The following SESN2 variants were observed in gnomAD, a reference collection of about 807,000 sequenced individuals.
SESN2 encodes the protein sestrin-2.
SESN2 carries 42 observed loss-of-function variants against 56.0 expected under a neutral mutation model. The observed-to-expected ratio is 0.75, with a 90% CI of 0.59 to 0.97. The LOEUF (loss-of-function observed/expected upper bound fraction) is 0.97, where lower values mean the gene tolerates loss of function less well. Among genes scored for constraint, SESN2 ranks in the 50% least tolerant of loss-of-function variants. The pLI is 0.00. For synonymous variants in SESN2, 264 were observed against 267.1 expected (o/e 0.99, Z 0.11); for missense variants, 507 against 649.4 (o/e 0.78, Z 2.38).
At chr1:28,275,640 T>TG (rs1275977452) in intron 8 of SESN2, among the ~76,000 whole-genome samples, 5 of 152,088 alleles carry the variant, frequency 3.3e-5, no homozygotes, top group African/African-American at 1.2e-4. Flanking sequence ...TAATCCCAGC[T>TG]ACTCAAGAGG....
At chr1:28,279,299 G>A in intron 9 of SESN2, 58 bp downstream of exon 9, 1 of 1,596,352 alleles carries the variant, frequency 6.3e-7, no homozygotes, top group Admixed American at 1.7e-5. Flanking sequence ...AGTGGAGAGG[G>A]CAAGGGGTTA....
Position 28,279,148 on chromosome 1 carries a change from C to G in SESN2, c.1263C>G (p.Leu421=). Residue 421 remains leucine (L), a synonymous_variant, in exon 9 of 10, where the codon CTC becomes CTG. Transcript: ENST00000253063. ...TGAACCAGCTCCTGGAGCGGAACCTCAAGGTCTATATCAAGACAGTGGCCT... is the reference window on the plus strand; with the variant it reads ...TGAACCAGCTCCTGGAGCGGAACCTGAAGGTCTATATCAAGACAGTGGCCT... ...GEVNQLLERN[L]KVYIKTVACY... 1 of 1,614,156 alleles carries G rather than the reference C, an allele frequency of 6.2e-7. No individual in the cohort carries two copies. The highest frequency in any genetic ancestry group is 8.5e-7 in the Non-Finnish European group (1 of 1,179,996).
chr1:28,280,792 A>G lies in SESN2; in HGVS notation c.1433A>G (p.Tyr478Cys). The G allele has an allele frequency of 6.2e-7, 1 of 1,613,246 alleles. No homozygotes were observed. The highest frequency in any genetic ancestry group is 8.5e-7 in the Non-Finnish European group (1 of 1,179,670). Residue 478 changes from tyrosine (Y) to cysteine (C), a missense_variant, in exon 10 of 10, where the codon TAC becomes TGC. Tyr to Cys is a radical substitution (Grantham distance 194, BLOSUM62 -2). Coordinates refer to ENST00000253063, the MANE Select transcript of SESN2 (RefSeq NM_031459.5). ...LLYALRAITR[Y>C]MT ...TACGCCCTCCGTGCCATCACCCGCT[A>G]CATGACCTGACTCCTGAGCAGGACC... is the stretch of plus-strand genomic sequence containing the variant.
At chr1:28,269,146 C>G in intron 1 of SESN2, 37 bp from the exon 2 acceptor site, 1 of 1,526,516 alleles carries the variant, frequency 6.6e-7, no homozygotes, top group Non-Finnish European at 9.0e-7. Flanking sequence ...TTTATTCTCC[C>G]TTCTACTACG....
chr1:28,269,375 C>A, intron 2 of SESN2, 127 bp downstream of exon 2: 1 of 550,356 alleles, frequency 1.8e-6, no homozygotes, highest in Non-Finnish European at 3.1e-6. Flanking sequence ...ATTTCTGATT[C>A]ATTTAATTCA....
intron 2 of SESN2, among the ~76,000 whole-genome samples, chr1:28,269,651 G>A (rs1042581731): frequency 6.6e-6 from 1 of 152,026 alleles, no homozygotes; most frequent in African/African-American, 2.4e-5. Context: ...GTTTCAGAAA[G>A]CTCTGATCTC....
intron 3 of SESN2, 56 bp downstream of exon 3, chr1:28,271,927 T>C: frequency 6.6e-7 from 1 of 1,516,730 alleles, no homozygotes; most frequent in East Asian, 2.3e-5. Context: ...GGTTCTGTCC[T>C]TTGATCTCTT....
chr1:28,267,314 T>C (rs1647592285), intron 1 of SESN2, among the ~76,000 whole-genome samples: 1 of 152,196 alleles, frequency 6.6e-6, no homozygotes, highest in East Asian at 1.9e-4. Context: ...TGAAGGTAGC[T>C]GGGCTACTTT....
rs1250380851 is a variant in SESN2 at position 28,262,685 on chromosome 1, T to C, written c.90+2748T>C. ...GGCTCGCACCTGTAATCCAAGCACT[T>C]TGGGAGGCCGAGGTAGGTGGATCAC... On this transcript the variant is annotated intron_variant, in intron 1 of 9. Transcript: ENST00000253063. 2.2e-4 allele frequency among the ~76,000 whole-genome samples: 33 copies of C among 148,776 alleles called. 1 individual carries two copies. Among genetic ancestry groups the C allele is most frequent in the Admixed American group, 2.2e-3 (33 of 14,882 alleles).
intron 1 of SESN2, among the ~76,000 whole-genome samples, chr1:28,266,286 A>C (rs1422729574): frequency 6.6e-6 from 1 of 152,186 alleles, no homozygotes; most frequent in Non-Finnish European, 1.5e-5. Flanking sequence ...AAGCTTCTCA[A>C]AGGATTCTAA....
intron 2 of SESN2, among the ~76,000 whole-genome samples, chr1:28,271,145 G>A (rs547288254): frequency 1.2e-3 from 185 of 152,330 alleles, no homozygotes; most frequent in African/African-American, 4.3e-3. Flanking sequence ...CTGGCAAAGT[G>A]GGGGAAATAA....
intron 2 of SESN2, among the ~76,000 whole-genome samples, chr1:28,269,822 T>G (rs1485216673): frequency 2.6e-5 from 4 of 152,222 alleles, no homozygotes; most frequent in African/African-American, 4.8e-5. Context: ...AAAGACATCT[T>G]TCATCTACTG....
At chr1:28,278,369 C>T (rs540941097) in intron 8 of SESN2, among the ~76,000 whole-genome samples, 1 of 152,240 alleles carries the variant, frequency 6.6e-6, no homozygotes, top group Admixed American at 6.5e-5. Flanking sequence ...GAGTTCGAGA[C>T]CAGCCTGACC....
intron 8 of SESN2, among the ~76,000 whole-genome samples, chr1:28,277,304 G>GTGATCCTTCTGCC (rs1166241696): frequency 6.6e-6 from 1 of 151,750 alleles, no homozygotes; most frequent in Admixed American, 6.6e-5. Flanking sequence ...CTGAGCTCAG[G>GTGATCCTTCTGCC]TGATCCTTCT....
intron 2 of SESN2, among the ~76,000 whole-genome samples, chr1:28,270,857 C>T: frequency 6.6e-6 from 1 of 152,148 alleles, no homozygotes; most frequent in East Asian, 1.9e-4. Flanking sequence ...ATGTGAGCCA[C>T]CGTGCCCAGC....
intron 8 of SESN2, among the ~76,000 whole-genome samples, chr1:28,277,707 TC>T (rs1648099931): frequency 6.6e-6 from 1 of 152,130 alleles, no homozygotes; most frequent in Non-Finnish European, 1.5e-5. Flanking sequence ...CAAAAAATTA[TC>T]CCCCAATTTT....
chr1:28,276,907 A>G (rs977881328), intron 8 of SESN2, among the ~76,000 whole-genome samples: 1 of 78,288 alleles, frequency 1.3e-5, no homozygotes, highest in Non-Finnish European at 2.6e-5. Flanking sequence ...TAATTTATTT[A>G]TTTATTTCTT....
In SESN2 at chr1:28,272,669, CCTT is replaced by C; in HGVS notation, c.628_630del (p.Phe210del). The C allele has an allele frequency of 6.2e-7, 1 of 1,614,154 alleles. No individual in the cohort carries two copies. The highest frequency in any genetic ancestry group is 8.5e-7 in the Non-Finnish European group (1 of 1,180,018). On this transcript the variant is annotated inframe_deletion, in exon 5 of 10. Transcript: ENST00000253063. Reference sequence around the variant, plus strand: ...CTCACCCACTGCCACTCGCTCTCCTCCTTCGTGTTTGGCTGTGGCATCCTCCCT... The same window carrying C: ...CTCACCCACTGCCACTCGCTCTCCTCCGTGTTTGGCTGTGGCATCCTCCCT...
chr1:28,259,970 T>G, intron 1 of SESN2, 33 bp downstream of exon 1: 2 of 1,462,474 alleles, frequency 1.4e-6, no homozygotes, highest in Non-Finnish European at 1.8e-6. Flanking sequence ...CCCTCTTCCC[T>G]GGAACCCCGA....
Sources: allele counts gnomAD v4.1 joint callset (sites outside exome capture counted in the v4.1 genomes callset), GRCh38; gene constraint gnomAD v4.1.1; transcripts MANE v1.5; gene names NCBI Gene and HGNC (gene_info 2026-07-23, HGNC 2026-07-21).